Variants in CEP97 observed in about 807,000 individuals in gnomAD.
The protein encoded by CEP97 is centrosomal protein of 97 kDa.
Under a neutral mutation model 73.1 loss-of-function variants are expected in CEP97, and 43 were observed. That is an observed-to-expected ratio of 0.59 (90% CI 0.46 to 0.76). CEP97 has a LOEUF of 0.76. Ranked by LOEUF, CEP97 falls within the 30% of genes least tolerant of loss-of-function variation. CEP97 has a pLI of 0.00. For missense variants in CEP97, 939 were observed against 1,014.0 expected (o/e 0.93, Z 1.00); for synonymous variants, 337 against 370.0 (o/e 0.91, Z 1.02).
intron 6 of CEP97, among the ~76,000 whole-genome samples, chr3:101,734,018 G>C (rs1938200438): frequency 6.6e-6 from 1 of 151,868 alleles, no homozygotes; most frequent in African/African-American, 2.4e-5. Flanking sequence ...TGGAGGCAGG[G>C]TTTTTCCATG....
chr3:101,756,351 G>A (rs936865452), intron 7 of CEP97, among the ~76,000 whole-genome samples: 19 of 150,684 alleles, frequency 1.3e-4, no homozygotes, highest in Admixed American at 1.1e-3. Flanking sequence ...GAGCTACTGC[G>A]TCTGCCACCC....
At chr3:101,728,786 AT>A (rs752586261) in intron 3 of CEP97, 49 bp from the exon 4 acceptor site, 11 of 1,181,940 alleles carry the variant, frequency 9.3e-6, no homozygotes, top group Non-Finnish European at 1.3e-5. Context: ...GAATAATTTT[AT>A]TTTTTGATTT....
At chr3:101,734,266 A>G (rs1938207839) in intron 6 of CEP97, among the ~76,000 whole-genome samples, 1 of 152,190 alleles carries the variant, frequency 6.6e-6, no homozygotes, top group South Asian at 2.1e-4. Flanking sequence ...CAGTGGAATG[A>G]GAGCTTTAGG....
In CEP97 at chr3:101,730,391, G is replaced by A. The variant is rs181013603; in HGVS notation, c.448-1449G>A. On this transcript the variant is annotated intron_variant, in intron 4 of 10. Coordinates refer to ENST00000341893, the MANE Select transcript of CEP97 (RefSeq NM_024548.4). ...AGCGATTCTCCTGCCTCAGCCTCCT[G>A]AGTAGCTGGGACTACAGGTGCATGC... is the stretch of plus-strand genomic sequence containing the variant. Among the ~76,000 whole-genome samples the A allele has an allele frequency of 9.3e-3, 1,416 of 152,052 alleles. 18 individuals are homozygous for A. The highest frequency in any genetic ancestry group is 0.032 in the African/African-American group (1,343 of 41,444).
chr3:101,768,844 T>C lies in CEP97; in HGVS notation c.*3293T>C, dbSNP rs1368614457. ...GATGTTAAAATGTTAACTCTCCTGG[T>C]GTGCAGAAAGCTGTAATCATGACAG... On this transcript the variant is annotated 3_prime_UTR_variant, in exon 11 of 11. Coordinates refer to ENST00000341893, the MANE Select transcript of CEP97 (RefSeq NM_024548.4). The C allele has an allele frequency of 3.3e-5, 5 of 152,244 alleles. No homozygotes were observed. The East Asian group carries it at 9.6e-4, about 29-fold the overall frequency. 9.4% of individuals were successfully genotyped at this position (152,244 alleles called of 1,614,324 possible). A position where few individuals can be genotyped will look rare whatever the true frequency, so the allele number is the denominator to read the frequency against.
intron 9 of CEP97, among the ~76,000 whole-genome samples, chr3:101,760,524 G>A (rs1223451724): frequency 6.6e-6 from 1 of 152,038 alleles, no homozygotes; most frequent in East Asian, 1.9e-4. Flanking sequence ...TTGAGAGGGA[G>A]TAATAATGAT....
chr3:101,769,404 C>T lies in CEP97; in HGVS notation c.*3853C>T, dbSNP rs1298391306. On this transcript the variant is annotated 3_prime_UTR_variant, in exon 11 of 11. Transcript: ENST00000341893. Reference sequence around the variant, plus strand: ...CTCAGCTCACTGCAACCTCCACTTCCTGGGTACAAGCGATTCTCCTGCCTC... The same window carrying T: ...CTCAGCTCACTGCAACCTCCACTTCTTGGGTACAAGCGATTCTCCTGCCTC... 6.6e-6 allele frequency: 1 copy of T among 151,472 alleles called. No homozygotes were observed. The highest frequency in any genetic ancestry group is 1.5e-5 in the Non-Finnish European group (1 of 67,918). 9.4% of individuals were successfully genotyped at this position (151,472 alleles called of 1,614,324 possible).
chr3:101,754,916 G>A (rs1938961665), intron 6 of CEP97, among the ~76,000 whole-genome samples: 1 of 149,060 alleles, frequency 6.7e-6, no homozygotes, highest in African/African-American at 2.5e-5. Flanking sequence ...TTTTTTTGAG[G>A]GGTGGACTAT....
Position 101,765,251 on chromosome 3 carries a change from GC to G in CEP97, c.2299del (p.Gln767ArgfsTer10). ...GGAATAAGGAAAGCTCAAATAACGA[GC>G]AGGACAATAGTCTGCTTGAACAGTA... is the stretch of plus-strand genomic sequence containing the variant. ...EWNKESSNNE[Q>X]DNSLLEQYLT... On this transcript the variant is annotated frameshift_variant, in exon 11 of 11. Transcript: ENST00000341893. LOFTEE classifies it low-confidence loss of function (END_TRUNC). 1 of 1,614,198 alleles carries G rather than the reference GC, an allele frequency of 6.2e-7. No individual in the cohort carries two copies. The highest frequency in any genetic ancestry group is 8.5e-7 in the Non-Finnish European group (1 of 1,180,044).
intron 7 of CEP97, among the ~76,000 whole-genome samples, chr3:101,756,755 G>GA (rs1387594328): frequency 2.0e-4 from 30 of 151,566 alleles, no homozygotes; most frequent in Admixed American, 6.6e-5. Context: ...AGGGTACAGT[G>GA]AAAAAAAAGA....
chr3:101,730,222 G>A (rs1445014324), intron 4 of CEP97, among the ~76,000 whole-genome samples: 1 of 142,838 alleles, frequency 7.0e-6, no homozygotes, highest in Non-Finnish European at 1.5e-5. Flanking sequence ...CGAACTGGCC[G>A]AGTCTGTTTT....
chr3:101,735,655 G>A (rs1277291472), intron 6 of CEP97, among the ~76,000 whole-genome samples: 2 of 152,186 alleles, frequency 1.3e-5, no homozygotes, highest in African/African-American at 2.4e-5. Context: ...GAGGAACAGT[G>A]TACTCTGGCC....
chr3:101,741,504 T>A (rs1306667272), intron 6 of CEP97, among the ~76,000 whole-genome samples: 1 of 152,166 alleles, frequency 6.6e-6, no homozygotes, highest in Non-Finnish European at 1.5e-5. Flanking sequence ...GAGAAAATTT[T>A]TGCAATCTAT....
intron 1 of CEP97, among the ~76,000 whole-genome samples, chr3:101,726,274 A>G (rs2554962): frequency 0.21 from 32,685 of 152,218 alleles, 4,000 homozygotes; most frequent in East Asian, 0.48. Context: ...TAACATTTAA[A>G]CAATAGTATC....
At chr3:101,754,735 C>A (rs1466643571) in intron 6 of CEP97, among the ~76,000 whole-genome samples, 1 of 152,024 alleles carries the variant, frequency 6.6e-6, no homozygotes, top group Non-Finnish European at 1.5e-5. Context: ...GCTTTTCTTT[C>A]TTTCTTTTGG....
At position 101,757,214 on chromosome 3, in the gene CEP97, C is replaced by G; in HGVS notation, c.1027+18C>G. On this transcript the variant is annotated intron_variant, in intron 8 of 10. Coordinates refer to ENST00000341893, the MANE Select transcript of CEP97 (RefSeq NM_024548.4). ...GGAAAGTGGTAAGAAATGAATTTAT[C>G]TCTGATCCCTTTTCTCCAAGTTGTT... The G allele has an allele frequency of 1.3e-6, 2 of 1,590,660 alleles. No individual in the cohort carries two copies. The highest frequency in any genetic ancestry group is 1.7e-6 in the Non-Finnish European group (2 of 1,172,320).
At chr3:101,741,384 A>C (rs1447341616) in intron 6 of CEP97, among the ~76,000 whole-genome samples, 1 of 152,358 alleles carries the variant, frequency 6.6e-6, no homozygotes, top group South Asian at 2.1e-4. Context: ...AAAACATCAA[A>C]AGCAATGGCA....
chr3:101,755,697 T>C (rs1229333416), intron 7 of CEP97, 103 bp downstream of exon 7: 1 of 1,125,432 alleles, frequency 8.9e-7, no homozygotes, highest in African/African-American at 1.5e-5. Context: ...GCGGCCCACA[T>C]TTCTGGACAC....
intron 6 of CEP97, among the ~76,000 whole-genome samples, chr3:101,740,466 A>G (rs1251656423): frequency 1.3e-5 from 2 of 152,230 alleles, no homozygotes; most frequent in African/African-American, 4.8e-5. Flanking sequence ...GAAATAAGAG[A>G]GGACACAAAC....
Sources: allele counts gnomAD v4.1 joint callset (sites outside exome capture counted in the v4.1 genomes callset), GRCh38; gene constraint gnomAD v4.1.1; transcripts MANE v1.5; gene names NCBI Gene and HGNC (gene_info 2026-07-23, HGNC 2026-07-21).